The following SLC27A5 variants were observed in gnomAD, a reference collection of about 807,000 sequenced individuals.
SLC27A5 encodes the protein solute carrier family 27 member 5.
Under a neutral mutation model 63.1 loss-of-function variants are expected in SLC27A5, and 47 were observed. That is an observed-to-expected ratio of 0.74 (90% CI 0.59 to 0.95). The LOEUF (loss-of-function observed/expected upper bound fraction) is 0.95. Ranked by LOEUF, SLC27A5 falls within the 40% of genes least tolerant of loss-of-function variation. The probability of loss-of-function intolerance (pLI) is 0.00; values close to 1 mark genes in which losing one functional copy is unlikely to be tolerated. For synonymous variants in SLC27A5, 391 were observed against 403.8 expected (o/e 0.97, Z 0.38); for missense variants, 940 against 921.0 (o/e 1.02, Z -0.27).
intron 3 of SLC27A5, among the ~76,000 whole-genome samples, chr19:58,504,926 A>G (rs1213905005): frequency 6.7e-6 from 1 of 149,082 alleles, no homozygotes; most frequent in Non-Finnish European, 1.5e-5. Flanking sequence ...GAATGGCATG[A>G]ACCCAGGAGG....
chr19:58,502,329 A>T (rs2053284409), intron 3 of SLC27A5, among the ~76,000 whole-genome samples: 5 of 146,722 alleles, frequency 3.4e-5, no homozygotes, highest in Admixed American at 3.4e-4. Context: ...GTGAACAGTT[A>T]GAGTAGTGAG....
chr19:58,509,950 C>T lies in SLC27A5; in HGVS notation c.954G>A (p.Met318Ile), dbSNP rs1255938795. 1 of 1,614,070 alleles carries T rather than the reference C, an allele frequency of 6.2e-7. No individual in the cohort carries two copies. Among genetic ancestry groups the T allele is most frequent in the Admixed American group, 1.7e-5 (1 of 60,018 alleles). ...THERVLQMSK[M>I]LSLSGATADD... ...CAGCTGTGGCCCCAGATAAGGACAG[C>T]ATCTTGCTCATCTGCAGTACCCGCT... Residue 318 changes from methionine to isoleucine, a missense_variant, in exon 3 of 10, where the codon ATG (methionine) becomes ATA (isoleucine). By Grantham distance (10) the Met-to-Ile change is conservative. Coordinates refer to ENST00000263093, the MANE Select transcript of SLC27A5 (RefSeq NM_012254.3).
chr19:58,500,698 C>T lies in SLC27A5; in HGVS notation c.1191G>A (p.Glu397=), dbSNP rs753684216. Residue 397 remains glutamate, a synonymous_variant, in exon 5 of 10, where the codon GAG becomes GAA. Coordinates refer to ENST00000263093, the MANE Select transcript of SLC27A5 (RefSeq NM_012254.3). ...CCAGGCGGACTGTATGTGTCCGGTCCTCTGGTTGCTACAGGAATGTCCCCA... is the reference window on the plus strand; with the variant it reads ...CCAGGCGGACTGTATGTGTCCGGTCTTCTGGTTGCTACAGGAATGTCCCCA... ...RYLCNIPQQP[E]DRTHTVRLAM... is the part of the protein sequence containing the mutation. The T allele has an allele frequency of 2.5e-6, 4 of 1,613,196 alleles. No homozygotes were observed. In the Admixed American group the frequency reaches 6.7e-5, roughly 27 times the overall value.
In SLC27A5 at chr19:58,509,850, G is replaced by C. The variant is rs2053389055; in HGVS notation, c.1054C>G (p.Leu352Val). The C allele has an allele frequency of 6.2e-7, 1 of 1,612,062 alleles. No individual in the cohort carries two copies. The highest frequency in any genetic ancestry group is 1.3e-5 in the African/African-American group (1 of 74,878). ...LVVGILGCLD[L>V]GATCVLAPKF... The stretch of plus-strand genomic sequence containing the variant: ...GGATCCTCAGAAGTGGGCTTACCGA[G>C]ATCTAAGCAGCCGAGGATCCCAACG... Residue 352 changes from leucine (L) to valine (V), a missense_variant, in exon 3 of 10, where the codon CTC (leucine) becomes GTC (valine). Transcript: ENST00000263093.
rs747241885 is a variant in SLC27A5 at position 58,499,674 on chromosome 19, C to G, written c.1485G>C (p.Leu495=). The change falls in exon 7 of 10, where the codon CTG becomes CTC. Residue 495 remains leucine (L), a synonymous_variant. Transcript: ENST00000263093. ...IPVGLGEPGL[L]LTKVVSQQPF... is the part of the protein sequence containing the mutation. ...GTTGCTGGCTTACCACCTTGGTCAGCAGCAGCCCCGGCTCCCCTGGGGTAG... is the reference window on the plus strand; with the variant it reads ...GTTGCTGGCTTACCACCTTGGTCAGGAGCAGCCCCGGCTCCCCTGGGGTAG... The G allele has an allele frequency of 1.2e-6, 2 of 1,611,862 alleles. No individual in the cohort carries two copies. The highest frequency in any genetic ancestry group is 1.7e-6 in the Non-Finnish European group (2 of 1,179,992).
chr19:58,511,990 A>G lies in SLC27A5; in HGVS notation c.-35T>C, dbSNP rs899800099. On this transcript the variant is annotated 5_prime_UTR_variant, in exon 1 of 10. Coordinates refer to ENST00000263093, the MANE Select transcript of SLC27A5 (RefSeq NM_012254.3). ...TCCTCCCTAGGAGCAGCAGCTGTGG[A>G]GTGTTCAGGCTCACCTCTGGCCCCT... 3.3e-6 allele frequency: 5 copies of G among 1,503,904 alleles called. No individual in the cohort carries two copies. In the African/African-American group the frequency reaches 6.9e-5, roughly 21 times the overall value. 93.2% of individuals were successfully genotyped at this position (1,503,904 alleles called of 1,614,324 possible).
chr19:58,506,830 A>C (rs1193615837), intron 3 of SLC27A5, among the ~76,000 whole-genome samples: 1 of 151,856 alleles, frequency 6.6e-6, no homozygotes, highest in East Asian at 2.0e-4. Flanking sequence ...GCTGGTCTCA[A>C]ACTCCTGATT....
chr19:58,499,736 GC>G, intron 6 of SLC27A5, 46 bp from the exon 7 acceptor site: 1 of 1,585,942 alleles, frequency 6.3e-7, no homozygotes. Flanking sequence ...CACCAGCCAA[GC>G]CCCCTGCTGG....
intron 3 of SLC27A5, chr19:58,508,877 G>C (rs1236448524): frequency 6.6e-6 from 1 of 151,976 alleles, no homozygotes; most frequent in East Asian, 1.9e-4. Context: ...AGGAGTTTGA[G>C]ACCAGCCTGA....
chr19:58,500,951 G>T (rs1229383527), intron 4 of SLC27A5: 6 of 1,362,192 alleles, frequency 4.4e-6, no homozygotes, highest in Non-Finnish European at 5.7e-6. Flanking sequence ...AGAGGTGACT[G>T]GAGGCCTCAT....
Position 58,500,412 on chromosome 19 carries a change from C to A in SLC27A5, c.1395G>T (p.Glu465Asp), listed in dbSNP as rs370690095. 1.9e-6 allele frequency: 3 copies of A among 1,613,882 alleles called. No individual in the cohort carries two copies. The part of the protein sequence containing the change: ...SCLLRMLSPF[E>D]LVQFDMEAAE... ...CCGCCTCCATGTCGAACTGCACCAG[C>A]TCAAAGGGGGACAGCATCTGGGGTG... Residue 465 changes from glutamate (E) to aspartate (D), a missense_variant, in exon 6 of 10, where the codon GAG becomes GAT. By Grantham distance (45) the Glu-to-Asp change is conservative. Coordinates refer to ENST00000263093, the MANE Select transcript of SLC27A5 (RefSeq NM_012254.3).
At chr19:58,500,818 G>A in intron 4 of SLC27A5, 112 bp from the exon 5 acceptor site, 1 of 1,493,542 alleles carries the variant, frequency 6.7e-7, no homozygotes, top group Non-Finnish European at 8.9e-7. Context: ...TTACCTGGAA[G>A]GTGATGGGGG....
Position 58,499,689 on chromosome 19 carries a change from C to T in SLC27A5, c.1470G>A (p.Gly490=), listed in dbSNP as rs773989294. The change falls in exon 7 of 10, where the codon GGG becomes GGA. Residue 490 remains glycine (G), a splice_region_variant and synonymous_variant. Transcript: ENST00000263093. ...NQGFCIPVGL[G]EPGLLLTKVV... is the part of the protein sequence containing the mutation. The stretch of plus-strand genomic sequence containing the variant: ...CCTTGGTCAGCAGCAGCCCCGGCTC[C>T]CCTGGGGTAGGAGCAGGAACAAGAA... The T allele has an allele frequency of 1.5e-5, 24 of 1,610,968 alleles. No homozygotes were observed. In the East Asian group the frequency reaches 3.1e-4, roughly 21 times the overall value.
In SLC27A5 at chr19:58,501,333, T is replaced by C; in HGVS notation, c.1135A>G (p.Ile379Val). 6.2e-7 allele frequency: 1 copy of C among 1,613,774 alleles called. No homozygotes were observed. Among genetic ancestry groups the C allele is most frequent in the Non-Finnish European group, 8.5e-7 (1 of 1,179,800 alleles). ...CGCAGGAGCTCGCCCACATACAGGA[T>C]CACTGTCACGCCATGCTGCCGACAG... ...DDCRQHGVTV[I>V]LYVGELLRYL... is the part of the protein sequence containing the mutation. Residue 379 changes from isoleucine to valine, a missense_variant, in exon 4 of 10, where the codon ATC becomes GTC. Physicochemically the swap from Ile to Val is conservative, Grantham distance 29. Transcript: ENST00000263093.
Position 58,499,300 on chromosome 19 carries a change from T to G in SLC27A5, c.1668-80A>C, listed in dbSNP as rs370193852. On this transcript the variant is annotated intron_variant, in intron 7 of 9. Coordinates refer to ENST00000263093, the MANE Select transcript of SLC27A5 (RefSeq NM_012254.3). ...CCTCTTGCCCCCGCCCCGCCCCTTT[T>G]GGGGATCAGGAGGCCCAGTCAGCCC... 13 of 1,469,614 alleles carry G rather than the reference T, an allele frequency of 8.8e-6. 1 individual carries two copies. In the East Asian group the frequency reaches 2.2e-4, roughly 25 times the overall value. 91.0% of individuals were successfully genotyped at this position (1,469,614 alleles called of 1,614,324 possible).
Position 58,501,268 on chromosome 19 carries a change from C to A in SLC27A5, c.1182+18G>T, listed in dbSNP as rs1187992579. ...ATACTTGGGTGTTCACCATGGAGCC[C>A]TAATCTTAGAGCCTCACCTGGGGAA... On this transcript the variant is annotated intron_variant, in intron 4 of 9. Transcript: ENST00000263093. 6.2e-7 allele frequency: 1 copy of A among 1,611,118 alleles called. No individual in the cohort carries two copies. Among genetic ancestry groups the A allele is most frequent in the Non-Finnish European group, 8.5e-7 (1 of 1,178,196 alleles).
rs536222541 is a variant in SLC27A5, at chr19:58,498,536, A to G, written c.2052T>C (p.Cys684=). The change falls in exon 10 of 10, where the codon TGT becomes TGC. Residue 684 remains cysteine (C), a synonymous_variant. Coordinates refer to ENST00000263093, the MANE Select transcript of SLC27A5 (RefSeq NM_012254.3). ...PLTAEMYQAV[C]EGTWRL is the part of the protein sequence containing the mutation. The stretch of plus-strand genomic sequence containing the variant: ...GTGATCAGAGCCTCCAGGTTCCCTC[A>G]CACACAGCCTGGTACATTTCTGCCG... 12 of 1,612,948 alleles carry G rather than the reference A, an allele frequency of 7.4e-6. No homozygotes were observed. The highest frequency in any genetic ancestry group is 3.3e-4 in the Middle Eastern group (2 of 6,034).
At chr19:58,505,307 C>T (rs942703160) in intron 3 of SLC27A5, among the ~76,000 whole-genome samples, 47 of 151,722 alleles carry the variant, frequency 3.1e-4, no homozygotes, top group African/African-American at 1.0e-3. Flanking sequence ...CCATGTTGGC[C>T]AGGCTGGTCT....
chr19:58,511,088 T>C, intron 1 of SLC27A5, 158 bp from the exon 2 acceptor site: 1 of 938,098 alleles, frequency 1.1e-6, no homozygotes, highest in Non-Finnish European at 1.5e-6. Flanking sequence ...TTTGGTCAAA[T>C]TGTGGGAAAA....
Sources: allele counts gnomAD v4.1 joint callset (sites outside exome capture counted in the v4.1 genomes callset), GRCh38; gene constraint gnomAD v4.1.1; transcripts MANE v1.5; gene names NCBI Gene and HGNC (gene_info 2026-07-23, HGNC 2026-07-21).